The following ART3 variants were observed in gnomAD, a reference collection of about 807,000 sequenced individuals.
The protein encoded by ART3 is ADP-ribosyltransferase 3 (inactive).
ART3 carries 49 observed loss-of-function variants against 48.5 expected under a neutral mutation model. The ratio of observed to expected loss-of-function variants is 1.01; its 90% CI spans 0.80 to 1.28. The LOEUF (loss-of-function observed/expected upper bound fraction) is 1.28, where lower values mean the gene tolerates loss of function less well. Ranked by LOEUF, ART3 falls within the 50% of genes most tolerant of loss-of-function variation. The pLI is 0.00. For synonymous variants in ART3, 145 were observed against 157.2 expected, an observed-to-expected ratio of 0.92 and a Z score of 0.58; for missense variants, 438 against 454.3, an observed-to-expected ratio of 0.96 and a Z score of 0.33.
intron 3 of ART3, among the ~76,000 whole-genome samples, 158 bp downstream of exon 3, chr4:76,082,693 A>T (rs992560855): frequency 6.6e-6 from 1 of 152,138 alleles, no homozygotes; most frequent in Non-Finnish European, 1.5e-5. Context: ...AGTTAATTTT[A>T]TGAAAATTGT....
chr4:76,042,257 A>G (rs1000300658), intron 1 of ART3, among the ~76,000 whole-genome samples: 1 of 152,212 alleles, frequency 6.6e-6, no homozygotes, highest in Admixed American at 6.5e-5. Flanking sequence ...TTTCCAACTC[A>G]CCATTCACCA....
At chr4:76,049,883 C>T (rs1471684896) in intron 1 of ART3, among the ~76,000 whole-genome samples, 1 of 151,822 alleles carries the variant, frequency 6.6e-6, no homozygotes, top group African/African-American at 2.4e-5. Context: ...TAAGGTGGCG[C>T]GTCTGGAGTT....
chr4:76,072,305 CT>C (rs2149507987), upstream of ART3, among the ~76,000 whole-genome samples: 1 of 152,230 alleles, frequency 6.6e-6, no homozygotes, highest in African/African-American at 2.4e-5. Flanking sequence ...AATGCTTTTC[CT>C]TATCGTATCA....
chr4:76,095,987 A>G (rs1247717860), intron 3 of ART3, among the ~76,000 whole-genome samples: 1 of 151,918 alleles, frequency 6.6e-6, no homozygotes, highest in African/African-American at 2.4e-5. Flanking sequence ...CAGTGGCGCA[A>G]TCTTGGCTCA....
At chr4:76,012,330 A>AT (rs1731880696) in intron 1 of ART3, 1 of 152,140 alleles carries the variant, frequency 6.6e-6, no homozygotes, top group Non-Finnish European at 1.5e-5. Context: ...CACAGTGTGG[A>AT]TTTCCCCTCC....
intron 1 of ART3, among the ~76,000 whole-genome samples, chr4:76,046,111 G>C (rs1735474673): frequency 1.1e-5 from 1 of 90,328 alleles, no homozygotes; most frequent in Non-Finnish European, 2.1e-5. Flanking sequence ...CTGGACTTGA[G>C]AAGTGGCCTA....
intron 1 of ART3, among the ~76,000 whole-genome samples, chr4:76,040,382 A>AGAT (rs1412924422): frequency 6.6e-6 from 1 of 151,802 alleles, no homozygotes; most frequent in African/African-American, 2.4e-5. Context: ...TTACCACCAG[A>AGAT]GATGACCACT....
At chr4:76,025,931 A>T (rs1201074829) in intron 1 of ART3, among the ~76,000 whole-genome samples, 1 of 152,048 alleles carries the variant, frequency 6.6e-6, no homozygotes, top group Non-Finnish European at 1.5e-5. Context: ...ATGATCACTT[A>T]CTTTTTTTAT....
At chr4:76,074,020 C>T (rs1015492201), upstream of ART3, among the ~76,000 whole-genome samples, 8 of 152,090 alleles carry the variant, frequency 5.3e-5, no homozygotes, top group African/African-American at 1.9e-4. Flanking sequence ...TGTATGTATG[C>T]GTGAATTTCT....
At chr4:76,049,256 G>C (rs1222045598) in intron 1 of ART3, among the ~76,000 whole-genome samples, 3 of 152,012 alleles carry the variant, frequency 2.0e-5, no homozygotes, top group African/African-American at 7.2e-5. Context: ...ATTTTTAGAA[G>C]TGGGTCTAAC....
At chr4:76,080,755 C>T (rs544342788) in intron 2 of ART3, among the ~76,000 whole-genome samples, 27 of 152,176 alleles carry the variant, frequency 1.8e-4, no homozygotes, top group South Asian at 1.7e-3. Context: ...ATGATCTGCC[C>T]GCCTCGGCCT....
Position 76,081,963 on chromosome 4 carries a change from G to A in ART3, c.209G>A (p.Trp70Ter), listed in dbSNP as rs1415696334. ...AGCCACCAGCAATTAGATACTGTGT[G>A]GGAAAATGCAAAAGCCAAATGGGCA... ...KASHQQLDTVWENAKAKWAAR... is the reference protein window; with the variant it reads ...KASHQQLDTV The change falls in exon 3 of 12, where the codon TGG becomes TAG. Residue 70 changes from tryptophan to a stop codon, truncating the protein, a stop_gained. Coordinates refer to ENST00000355810, the MANE Select transcript of ART3 (RefSeq NM_001130016.3). LOFTEE classifies it high-confidence loss of function. 5 of 1,614,178 alleles carry A rather than the reference G, an allele frequency of 3.1e-6. No homozygotes were observed. In the South Asian group the frequency reaches 4.4e-5, roughly 14 times the overall value.
At chr4:76,098,758 C>T (rs1726602370) in intron 4 of ART3, among the ~76,000 whole-genome samples, 197 bp from the exon 5 acceptor site, 1 of 151,808 alleles carries the variant, frequency 6.6e-6, no homozygotes, top group African/African-American at 2.4e-5. Context: ...AGACTCTTGT[C>T]TCAAAAAAAT....
chr4:76,016,483 G>A (rs544287667), intron 1 of ART3, among the ~76,000 whole-genome samples: 5 of 152,288 alleles, frequency 3.3e-5, no homozygotes, highest in African/African-American at 4.8e-5. Flanking sequence ...AAGCACACCT[G>A]TGGCCACCAC....
At position 76,081,844 on chromosome 4, in the gene ART3, CA is replaced by C; in HGVS notation, c.91del (p.Met31TrpfsTer11). 6.2e-7 allele frequency: 1 copy of C among 1,613,722 alleles called. No homozygotes were observed. The highest frequency in any genetic ancestry group is 8.5e-7 in the Non-Finnish European group (1 of 1,179,730). ...TGAAGGTGAAGGCTGAAGTGTTAGA[CA>C]TGGCAGATAATGCATTTGATGATGA... Reference protein sequence around the residue: ...IFQVKAEVLDMADNAFDDEYL... With the variant: ...IFQVKAEVLDXADNAFDDEYL... On this transcript the variant is annotated frameshift_variant, in exon 3 of 12. Coordinates refer to ENST00000355810, the MANE Select transcript of ART3 (RefSeq NM_001130016.3). LOFTEE classifies it high-confidence loss of function.
intron 1 of ART3, among the ~76,000 whole-genome samples, chr4:76,039,169 G>A (rs900521653): frequency 3.4e-5 from 5 of 148,946 alleles, no homozygotes; most frequent in East Asian, 2.0e-4. Flanking sequence ...GCATGATCTC[G>A]GCTTACTGCA....
intron 1 of ART3, chr4:76,022,840 GAGA>G (rs777837361): frequency 1.9e-6 from 3 of 1,602,126 alleles, no homozygotes; most frequent in Non-Finnish European, 2.5e-6. Context: ...AGGAACAGCA[GAGA>G]AGGTTAGCAC....
rs982557976 is a variant in ART3, at chr4:76,104,284, A to G, written c.971-313A>G. 7.7e-6 allele frequency: 7 copies of G among 911,434 alleles called. No individual in the cohort carries two copies. The African/African-American group carries it at 1.3e-4, about 16-fold the overall frequency. The allele number at this position is 911,434 out of a possible 1,614,324, so 56.5% of individuals were successfully genotyped here. A position where few individuals can be genotyped will look rare whatever the true frequency, so the allele number is the denominator to read the frequency against. ...TTCTACAGCTAAAGTTATTCAATAG[A>G]AACCTACCTTTACGCACAAGTTGAC... On this transcript the variant is annotated intron_variant, in intron 9 of 11. Transcript: ENST00000355810.
At chr4:76,105,220 G>A (rs1266649772) in intron 10 of ART3, among the ~76,000 whole-genome samples, 1 of 152,138 alleles carries the variant, frequency 6.6e-6, no homozygotes, top group Non-Finnish European at 1.5e-5. Context: ...GCCATCATTG[G>A]GGTCTTGCTC....
Sources: allele counts gnomAD v4.1 joint callset (sites outside exome capture counted in the v4.1 genomes callset), GRCh38; gene constraint gnomAD v4.1.1; transcripts MANE v1.5; gene names NCBI Gene and HGNC (gene_info 2026-07-23, HGNC 2026-07-21).